IRS2: variants seen among roughly 807,000 people sequenced by gnomAD.
The protein encoded by IRS2 is insulin receptor substrate 2.
In IRS2, 28 loss-of-function variants were observed where a neutral mutation model predicts 70.9. The observed-to-expected ratio is 0.39, with a 90% CI of 0.29 to 0.54. The LOEUF (loss-of-function observed/expected upper bound fraction) is 0.54, where lower values mean the gene tolerates loss of function less well. Ranked by LOEUF, IRS2 falls within the 20% of genes least tolerant of loss-of-function variation. IRS2 has a pLI of 0.59. For missense variants in IRS2, 2,081 were observed against 2,024.1 expected, an observed-to-expected ratio of 1.03 and a Z score of -0.54; for synonymous variants, 1,217 against 981.9, an observed-to-expected ratio of 1.24 and a Z score of -4.48.
rs953895434 is a variant in IRS2, at chr13:109,781,883, G to A, written c.4012+159C>T. Among the ~76,000 whole-genome samples, 15 of 152,206 alleles carry A rather than the reference G, an allele frequency of 9.9e-5. 1 individual carries two copies. Among genetic ancestry groups the A allele is most frequent in the African/African-American group, 3.6e-4 (15 of 41,460 alleles). On this transcript the variant is annotated intron_variant, in intron 1 of 1. Transcript: ENST00000375856. ...TCCTGGCAAGTTCTCTGAAGGAAGA[G>A]AACAGGGCAGCCCGCAGAAAAACAA...
chr13:109,772,535 T>C (rs1272305206), intron 1 of IRS2, among the ~76,000 whole-genome samples: 1 of 152,068 alleles, frequency 6.6e-6, no homozygotes, highest in East Asian at 1.9e-4. Context: ...AGGTCTCCAA[T>C]CTCACCTGCT....
intron 1 of IRS2, among the ~76,000 whole-genome samples, chr13:109,767,350 G>A (rs76448521): frequency 0.015 from 2,237 of 152,254 alleles, 20 homozygotes; most frequent in East Asian, 0.041. Context: ...GGTGTGGAAG[G>A]AGAAAATACC....
chr13:109,765,275 G>A (rs1428463055), intron 1 of IRS2, among the ~76,000 whole-genome samples: 6 of 152,190 alleles, frequency 3.9e-5, no homozygotes, highest in South Asian at 2.1e-4. Context: ...AATGGAAAAC[G>A]CCAAGCTACC....
intron 1 of IRS2, among the ~76,000 whole-genome samples, chr13:109,775,826 A>C (rs1877561705): frequency 6.6e-6 from 1 of 151,196 alleles, no homozygotes; most frequent in South Asian, 2.1e-4. Flanking sequence ...TTGCTGGAAA[A>C]CCTGATACTC....
rs758467455 is a variant in IRS2 at position 109,782,303 on chromosome 13, G to A, written c.3751C>T (p.Leu1251Phe). The A allele has an allele frequency of 3.7e-6, 6 of 1,611,610 alleles. No homozygotes were observed. The highest frequency in any genetic ancestry group is 2.5e-6 in the Non-Finnish European group (3 of 1,179,452). Residue 1251 changes from leucine (L) to phenylalanine (F), a missense_variant, in exon 1 of 2, where the codon CTC (leucine) becomes TTC (phenylalanine). Leu to Phe is a conservative substitution (Grantham distance 22, BLOSUM62 0). Transcript: ENST00000375856. ...CTCACGTCGATGGCGATGTAGTTGA[G>A]ACCATTCTGGAAGCCGGCAGAGGTC... is the stretch of plus-strand genomic sequence containing the variant. Reference protein sequence around the residue: ...RETSAGFQNGLNYIAIDVREE... With the variant: ...RETSAGFQNGFNYIAIDVREE...
In IRS2 at chr13:109,782,590, G is replaced by A. The variant is rs1451624216; in HGVS notation, c.3464C>T (p.Thr1155Ile). 6.3e-7 allele frequency: 1 copy of A among 1,577,966 alleles called. No homozygotes were observed. The highest frequency in any genetic ancestry group is 8.6e-7 in the Non-Finnish European group (1 of 1,162,894). The change falls in exon 1 of 2, where the codon ACC becomes ATC. Residue 1155 changes from threonine (T) to isoleucine (I), a missense_variant. Around this residue, in one of 4 missense-constraint regions of IRS2, gnomAD observed 1,615 missense variants for 1,459.5 expected, o/e 1.11. Transcript: ENST00000375856. ...RRHSSETFSS[T>I]TTVTPVSPSF... ...CGGGGACACGGGGGTGACCGTCGTG[G>A]TGGAGGAGAAGGTCTCGGAACTGTG...
chr13:109,783,970 G>A lies in IRS2; in HGVS notation c.2084C>T (p.Ala695Val). 1 of 1,514,862 alleles carries A rather than the reference G, an allele frequency of 6.6e-7. No homozygotes were observed. The highest frequency in any genetic ancestry group is 1.2e-5 in the South Asian group (1 of 80,118). 93.8% of individuals were successfully genotyped at this position (1,514,862 alleles called of 1,614,324 possible). A position where few individuals can be genotyped will look rare whatever the true frequency, so the allele number is the denominator to read the frequency against. The part of the protein sequence containing the change: ...APKQILQPRA[A>V]AAAAAAVPSA... The stretch of plus-strand genomic sequence containing the variant: ...AGGCACGGCGGCGGCGGCGGCGGCG[G>A]CGGCCCTGGGCTGCAAGATCTGCTT... Residue 695 changes from alanine to valine, a missense_variant, in exon 1 of 2, where the codon GCC (alanine) becomes GTC (valine). Ala to Val is a moderately conservative substitution (Grantham distance 64). This residue lies in a region of IRS2 where 1,615 missense variants were observed against 1,459.5 expected (regional missense o/e 1.11). Coordinates refer to ENST00000375856, the MANE Select transcript of IRS2 (RefSeq NM_003749.3).
intron 1 of IRS2, among the ~76,000 whole-genome samples, chr13:109,769,404 T>G (rs996488947): frequency 2.0e-5 from 3 of 152,232 alleles, no homozygotes; most frequent in African/African-American, 7.2e-5. Context: ...ACTTTCTCCT[T>G]TGAGCCTTAG....
In IRS2 at chr13:109,775,117, T is replaced by TC. The variant is rs1491085376; in HGVS notation, c.4012+6924_4012+6925insG. Among the ~76,000 whole-genome samples the TC allele has an allele frequency of 3.4e-3, 236 of 68,824 alleles. 1 individual carries two copies. Among genetic ancestry groups the TC allele is most frequent in the Middle Eastern group, 0.011 (1 of 88 alleles). The allele number at this position is 68,824 out of a possible 152,430, so 45.2% of individuals were successfully genotyped here. On this transcript the variant is annotated intron_variant, in intron 1 of 1. Transcript: ENST00000375856. ...ATTAATACTATGCAAAATCTTTCTT[T>TC]TTTTTTTTTTTTTTTTTGAGACTGA...
intron 1 of IRS2, among the ~76,000 whole-genome samples, chr13:109,775,114 CTT>C (rs34415737): frequency 0.016 from 1,868 of 115,776 alleles, 19 homozygotes; most frequent in South Asian, 0.062. Flanking sequence ...CAAAATCTTT[CTT>C]TTTTTTTTTT....
chr13:109,784,925 C>T lies in IRS2; in HGVS notation c.1129G>A (p.Ala377Thr). 2 of 1,049,280 alleles carry T rather than the reference C, an allele frequency of 1.9e-6. No individual in the cohort carries two copies. The highest frequency in any genetic ancestry group is 1.1e-6 in the Non-Finnish European group (1 of 873,754). 65.0% of individuals were successfully genotyped at this position (1,049,280 alleles called of 1,614,324 possible). Reference protein sequence around the residue: ...GDGGAAAGAAAAGARPVSVAG... With the variant: ...GDGGAAAGAATAGARPVSVAG... ...ACCGACACCGGCCTGGCGCCCGCGG[C>T]CGCCGCTCCCGCCGCCGCGCCGCCG... The change falls in exon 1 of 2, where the codon GCC (alanine) becomes ACC (threonine). Residue 377 changes from alanine (A) to threonine (T), a missense_variant. Transcript: ENST00000375856. This position sits in a 1 kb window ranked among gnomAD's most constrained non-coding sequence, Gnocchi z 5.2.
At position 109,784,470 on chromosome 13, in the gene IRS2, G is replaced by C. The variant is rs2138935870; in HGVS notation, c.1584C>G (p.Pro528=). 6.3e-7 allele frequency: 1 copy of C among 1,581,492 alleles called. No homozygotes were observed. The highest frequency in any genetic ancestry group is 1.1e-5 in the South Asian group (1 of 89,394). Reference sequence around the variant, plus strand: ...CGCCGCCGCCGCCGTCTCGGGCCGGGGGCGTCTCCGCGATGGACTCGGGCG... The same window carrying C: ...CGCCGCCGCCGCCGTCTCGGGCCGGCGGCGTCTCCGCGATGGACTCGGGCG... ...SNTPESIAET[P]PARDGGGGGE... Residue 528 remains proline (P), a synonymous_variant, in exon 1 of 2, where the codon CCC becomes CCG. Transcript: ENST00000375856. This position sits in a 1 kb window ranked among gnomAD's most constrained non-coding sequence, Gnocchi z 5.2.
At chr13:109,759,372 C>T (rs1877179517) in intron 1 of IRS2, among the ~76,000 whole-genome samples, 1 of 152,094 alleles carries the variant, frequency 6.6e-6, no homozygotes, top group Non-Finnish European at 1.5e-5. Flanking sequence ...CTTGGAAGCG[C>T]TCGCGGTGAT....
At position 109,783,141 on chromosome 13, in the gene IRS2, C is replaced by T; in HGVS notation, c.2913G>A (p.Gln971=). ...TCATGTAGTCGGAGAGCGGAGACCG[C>T]TGCCGGCTGTCGCTGCTGGTGCCCG... ...GTPGTSSDSR[Q]RSPLSDYMNL... Residue 971 remains glutamine, a synonymous_variant, in exon 1 of 2, where the codon CAG becomes CAA. Transcript: ENST00000375856. 7.2e-7 allele frequency: 1 copy of T among 1,382,682 alleles called. No individual in the cohort carries two copies. The highest frequency in any genetic ancestry group is 1.7e-5 in the South Asian group (1 of 60,542). 85.7% of individuals were successfully genotyped at this position (1,382,682 alleles called of 1,614,324 possible).
intron 1 of IRS2, among the ~76,000 whole-genome samples, chr13:109,780,857 T>C (rs1877679997): frequency 6.6e-6 from 1 of 152,166 alleles, no homozygotes; most frequent in East Asian, 1.9e-4. Flanking sequence ...AGCATTCACC[T>C]TTCCCTCTCA....
chr13:109,781,846 C>G, intron 1 of IRS2, among the ~76,000 whole-genome samples, 196 bp downstream of exon 1: 1 of 152,190 alleles, frequency 6.6e-6, no homozygotes, highest in Non-Finnish European at 1.5e-5. Flanking sequence ...CATTCAACTC[C>G]AAGACGAATG....
rs1877831073 is a variant in IRS2, at chr13:109,784,100, C to T, written c.1954G>A (p.Gly652Ser). 15 of 1,592,234 alleles carry T rather than the reference C, an allele frequency of 9.4e-6. No homozygotes were observed. The highest frequency in any genetic ancestry group is 1.3e-5 in the African/African-American group (1 of 74,788). The change falls in exon 1 of 2, where the codon GGC becomes AGC. Residue 652 changes from glycine to serine, a missense_variant. Transcript: ENST00000375856. The surrounding 1 kb of genome is among the most constrained non-coding windows in gnomAD (Gnocchi z 5.2). ...SSSSNLGADDGYMPMTPGAAL... is the reference protein window; with the variant it reads ...SSSSNLGADDSYMPMTPGAAL... ...GCGCCGGGCGTCATGGGCATGTAGC[C>T]GTCGTCTGCCCCCAGGTTGCTGCTG...
intron 1 of IRS2, among the ~76,000 whole-genome samples, chr13:109,764,769 G>T (rs2138914811): frequency 6.6e-6 from 1 of 152,330 alleles, no homozygotes; most frequent in East Asian, 1.9e-4. Context: ...ATTCGTGAAT[G>T]ATACCACGAA....
Position 109,783,096 on chromosome 13 carries a change from G to C in IRS2, c.2958C>G (p.Pro986=). ...SDYMNLDFSS[P]KSPKPGAPSG... ...TCGGGGCGCCCGGCTTAGGAGACTTGGGGGAGCTGAAGTCGAGGTTCATGT... is the reference window on the plus strand; with the variant it reads ...TCGGGGCGCCCGGCTTAGGAGACTTCGGGGAGCTGAAGTCGAGGTTCATGT... The change falls in exon 1 of 2, where the codon CCC becomes CCG. Residue 986 remains proline (P), a synonymous_variant. Transcript: ENST00000375856. 2.9e-6 allele frequency: 4 copies of C among 1,392,438 alleles called. No homozygotes were observed. Among genetic ancestry groups the C allele is most frequent in the Non-Finnish European group, 3.7e-6 (4 of 1,080,238 alleles). 86.3% of individuals were successfully genotyped at this position (1,392,438 alleles called of 1,614,324 possible).
Sources: gnomAD v4.1 joint callset for allele counts (sites outside exome capture counted in the v4.1 genomes callset) on GRCh38, gnomAD v4.1.1 for gene constraint, gnomAD v4.1.1 regional missense constraint, Gnocchi (gnomAD v3.1) non-coding constraint, MANE v1.5 for transcripts, NCBI Gene and HGNC (gene_info 2026-07-23, HGNC 2026-07-21) for gene names.